Variants in SLC35F3 observed in about 807,000 individuals in gnomAD.
The protein encoded by SLC35F3 is putative thiamine transporter SLC35F3.
In SLC35F3, 25 loss-of-function variants were observed where a neutral mutation model predicts 49.9. The ratio of observed to expected loss-of-function variants is 0.50; its 90% CI spans 0.37 to 0.70. The LOEUF (loss-of-function observed/expected upper bound fraction) is 0.70, where lower values mean the gene tolerates loss of function less well. SLC35F3 is among the 30% of genes least tolerant of loss of function. SLC35F3 has a pLI of 0.00. For missense variants in SLC35F3, 525 were observed against 639.8 expected (o/e 0.82, Z 1.94); for synonymous variants, 275 against 265.4 (o/e 1.04, Z -0.35).
At chr1:234,085,594 G>C (rs955565881) in intron 2 of SLC35F3, among the ~76,000 whole-genome samples, 4 of 152,192 alleles carry the variant, frequency 2.6e-5, no homozygotes, top group African/African-American at 4.8e-5. Context: ...CCAGACCTCA[G>C]TGTGCCCACC....
intron 2 of SLC35F3, among the ~76,000 whole-genome samples, chr1:234,141,810 G>A (rs1665917574): frequency 6.6e-6 from 1 of 151,602 alleles, no homozygotes; most frequent in South Asian, 2.1e-4. Context: ...GGCTCCTTCT[G>A]TATGCCCTTA....
chr1:234,278,960 T>G (rs999973640), intron 3 of SLC35F3, among the ~76,000 whole-genome samples: 1 of 151,924 alleles, frequency 6.6e-6, no homozygotes, highest in Non-Finnish European at 1.5e-5. Flanking sequence ...TCAGTCAATT[T>G]AGGAAGTTTA....
chr1:233,932,392 G>A (rs566406941), intron 2 of SLC35F3, among the ~76,000 whole-genome samples: 5 of 152,220 alleles, frequency 3.3e-5, no homozygotes, highest in African/African-American at 7.2e-5. Flanking sequence ...CTGTGTTGTC[G>A]AAGGTCACCT....
intron 2 of SLC35F3, among the ~76,000 whole-genome samples, chr1:233,959,886 G>A (rs1020214421): frequency 2.6e-5 from 4 of 152,156 alleles, no homozygotes; most frequent in Non-Finnish European, 4.4e-5. Context: ...AGTCAGGTGT[G>A]ACCTGGACAT....
intron 2 of SLC35F3, among the ~76,000 whole-genome samples, chr1:233,965,838 C>T (rs1333728449): frequency 1.3e-5 from 2 of 152,240 alleles, no homozygotes; most frequent in African/African-American, 4.8e-5. Context: ...TCATAAACCT[C>T]TATGTAGGGG....
At chr1:233,907,111 G>T (rs868524892) in intron 2 of SLC35F3, among the ~76,000 whole-genome samples, 2 of 152,100 alleles carry the variant, frequency 1.3e-5, no homozygotes, top group African/African-American at 4.8e-5. Flanking sequence ...TGGATAGAAC[G>T]CTCAAGTTTT....
intron 2 of SLC35F3, among the ~76,000 whole-genome samples, chr1:233,944,074 T>C (rs1159205298): frequency 1.3e-5 from 2 of 152,160 alleles, no homozygotes; most frequent in Admixed American, 1.3e-4. Context: ...CTAAATGCCC[T>C]ATCCAAAAGC....
intron 2 of SLC35F3, among the ~76,000 whole-genome samples, chr1:234,178,138 C>T (rs893238651): frequency 6.6e-6 from 1 of 152,112 alleles, no homozygotes; most frequent in Admixed American, 6.5e-5. Context: ...GAGCACCATG[C>T]CCCAGTTGCC....
chr1:234,229,045 T>G (rs558387038), intron 2 of SLC35F3, among the ~76,000 whole-genome samples: 2 of 152,248 alleles, frequency 1.3e-5, no homozygotes, highest in East Asian at 3.9e-4. Flanking sequence ...TATGGGTATA[T>G]TCCAGTGTTT....
chr1:234,309,024 A>G lies in SLC35F3; in HGVS notation c.609-77A>G, dbSNP rs1657282670. On this transcript the variant is annotated intron_variant, in intron 3 of 7. Transcript: ENST00000366618. ...CCTTCCTATATTTGCTTAAAAAAAA[A>G]AAAACTTGCTATAGGAAATAAATGG... is the stretch of plus-strand genomic sequence containing the variant. 6 of 1,292,796 alleles carry G rather than the reference A, an allele frequency of 4.6e-6. No individual in the cohort carries two copies. In the East Asian group the frequency reaches 1.4e-4, roughly 30 times the overall value. The allele number at this position is 1,292,796 out of a possible 1,614,324, so 80.1% of individuals were successfully genotyped here.
At chr1:234,239,923 G>C (rs150874649) in intron 3 of SLC35F3, among the ~76,000 whole-genome samples, 195 of 152,282 alleles carry the variant, frequency 1.3e-3, no homozygotes, top group African/African-American at 4.4e-3. Flanking sequence ...CTGTGGGATT[G>C]AGTGTCCCTC....
chr1:234,004,796 C>A, intron 2 of SLC35F3, among the ~76,000 whole-genome samples: 1 of 152,240 alleles, frequency 6.6e-6, no homozygotes, highest in South Asian at 2.1e-4. Flanking sequence ...GCACCTGTAT[C>A]ATGCCCCCAG....
intron 2 of SLC35F3, among the ~76,000 whole-genome samples, chr1:233,951,302 G>A (rs1366467864): frequency 2.6e-5 from 4 of 151,880 alleles, no homozygotes; most frequent in African/African-American, 9.7e-5. Context: ...TGTAGCCTAA[G>A]TGTACAGTGT....
chr1:233,947,492 A>G (rs2102802680), intron 2 of SLC35F3, among the ~76,000 whole-genome samples: 1 of 150,566 alleles, frequency 6.6e-6, no homozygotes. Flanking sequence ...TCCTGCTGGG[A>G]CTCCCAGGAG....
chr1:233,981,665 GAA>G (rs57909733), intron 2 of SLC35F3, among the ~76,000 whole-genome samples: 4 of 138,410 alleles, frequency 2.9e-5, no homozygotes, highest in Admixed American at 1.4e-4. Context: ...CTTTTCTCTG[GAA>G]AAAAAAAAAA....
At chr1:234,164,522 AC>A (rs1262420174) in intron 2 of SLC35F3, among the ~76,000 whole-genome samples, 1 of 151,712 alleles carries the variant, frequency 6.6e-6, no homozygotes, top group East Asian at 1.9e-4. Context: ...CCTTGCAGTC[AC>A]TCCAGGCACA....
At chr1:234,177,993 G>A (rs755338642) in intron 2 of SLC35F3, among the ~76,000 whole-genome samples, 6 of 152,102 alleles carry the variant, frequency 3.9e-5, no homozygotes, top group Non-Finnish European at 7.4e-5. Flanking sequence ...TCACTTGAGC[G>A]CATGCTTTAC....
intron 3 of SLC35F3, among the ~76,000 whole-genome samples, chr1:234,291,925 G>C (rs12041227): frequency 0.027 from 4,155 of 152,316 alleles, 378 homozygotes; most frequent in East Asian, 0.18. Context: ...ACCAGACTGA[G>C]ATGGGATGAG....
At chr1:234,130,005 CACAA>C (rs1242207657) in intron 2 of SLC35F3, among the ~76,000 whole-genome samples, 2 of 152,026 alleles carry the variant, frequency 1.3e-5, no homozygotes, top group Non-Finnish European at 2.9e-5. Flanking sequence ...TATGAAAGGA[CACAA>C]ACAGTGTAAG....
Sources: allele counts gnomAD v4.1 joint callset (sites outside exome capture counted in the v4.1 genomes callset), GRCh38; gene constraint gnomAD v4.1.1; transcripts MANE v1.5; gene names NCBI Gene and HGNC (gene_info 2026-07-23, HGNC 2026-07-21).